OGFOD3: variants seen among roughly 807,000 people sequenced by gnomAD.
OGFOD3 encodes the protein 2-oxoglutarate and iron-dependent oxygenase domain-containing protein 3.
OGFOD3 carries 35 observed loss-of-function variants against 39.8 expected under a neutral mutation model. That is an observed-to-expected ratio of 0.88 (90% confidence interval 0.67 to 1.17). The LOEUF (loss-of-function observed/expected upper bound fraction) is 1.17, where lower values mean the gene tolerates loss of function less well. Ranked by LOEUF, OGFOD3 falls within the 50% of genes most tolerant of loss-of-function variation. The pLI is 0.00. For missense variants in OGFOD3, 438 were observed against 454.5 expected, an observed-to-expected ratio of 0.96 and a Z score of 0.33; for synonymous variants, 200 against 192.0, an observed-to-expected ratio of 1.04 and a Z score of -0.34.
rs115535088 is a variant in OGFOD3 at position 82,397,247 on chromosome 17, G to A, written c.823+949C>T. 3.7e-3 allele frequency among the ~76,000 whole-genome samples: 566 copies of A among 152,148 alleles called. 6 individuals carry two copies. The highest frequency in any genetic ancestry group is 0.013 in the African/African-American group (543 of 41,506). ...CACACAGTCCCTGGTCTGACTGAGC[G>A]GCCAGGCAGGAGGAACACCCGTGCT... On this transcript the variant is annotated intron_variant, in intron 8 of 8. Transcript: ENST00000313056.
intron 2 of OGFOD3, among the ~76,000 whole-genome samples, chr17:82,412,200 CT>C (rs2052959080): frequency 6.6e-6 from 1 of 152,206 alleles, no homozygotes; most frequent in African/African-American, 2.4e-5. Context: ...GCACATGCCC[CT>C]GTCTCTCCCC....
At position 82,390,656 on chromosome 17, in the gene OGFOD3, G is replaced by A. The variant is rs529155957; in HGVS notation, c.*1742C>T. 6.1e-5 allele frequency: 11 copies of A among 180,232 alleles called. No homozygotes were observed. Among genetic ancestry groups the A allele is most frequent in the South Asian group, 3.0e-4 (4 of 13,166 alleles). The allele number at this position is 180,232 out of a possible 1,614,324, so 11.2% of individuals were successfully genotyped here. A position where few individuals can be genotyped will look rare whatever the true frequency, so the allele number is the denominator to read the frequency against. On this transcript the variant is annotated 3_prime_UTR_variant, in exon 9 of 9. Transcript: ENST00000313056. This position sits in a 1 kb window ranked among gnomAD's most constrained non-coding sequence, Gnocchi z 4.9. ...GGGAGCCTATCCCACGCCGTCCTCC[G>A]CATGTGGCCCGTGGTGCAGGAGGGG...
At chr17:82,413,889 AAAAG>A (rs1271822968) in intron 2 of OGFOD3, among the ~76,000 whole-genome samples, 1 of 151,726 alleles carries the variant, frequency 6.6e-6, no homozygotes, top group Non-Finnish European at 1.5e-5. Context: ...AAAAAAAAAA[AAAAG>A]AAGAAAGAAA....
At chr17:82,418,195 G>C in intron 1 of OGFOD3, 1 of 410,498 alleles carries the variant, frequency 2.4e-6, no homozygotes, top group Non-Finnish European at 4.4e-6. Flanking sequence ...GGGATAGGTG[G>C]GCCTCTGCCG....
At position 82,412,075 on chromosome 17, in the gene OGFOD3, C is replaced by T. The variant is rs191376524; in HGVS notation, c.305-545G>A. Among the ~76,000 whole-genome samples, 492 of 71,872 alleles carry T rather than the reference C, an allele frequency of 6.8e-3. 11 individuals carry two copies. Among genetic ancestry groups the T allele is most frequent in the Admixed American group, 9.4e-3 (41 of 4,354 alleles). The allele number at this position is 71,872 out of a possible 152,430, so 47.2% of individuals were successfully genotyped here. On this transcript the variant is annotated intron_variant, in intron 2 of 8. Transcript: ENST00000313056. ...CTGGCGCAGAAAACCCTCCTGAGAC[C>T]GCCAGAGAGGAAAACCCTCCTGAGA...
In OGFOD3 at chr17:82,415,500, C is replaced by G. The variant is rs1567876222; in HGVS notation, c.202G>C (p.Asp68His). 1 of 1,613,720 alleles carries G rather than the reference C, an allele frequency of 6.2e-7. No individual in the cohort carries two copies. The highest frequency in any genetic ancestry group is 8.5e-7 in the Non-Finnish European group (1 of 1,179,952). Residue 68 changes from aspartate (D) to histidine (H), a missense_variant, in exon 2 of 9, where the codon GAC (aspartate) becomes CAC (histidine). By Grantham distance (81) the Asp-to-His change is moderately conservative. Transcript: ENST00000313056. This position sits in a 1 kb window ranked among gnomAD's most constrained non-coding sequence, Gnocchi z 5.3. ...LLLWSSLGAD[D>H]GVAEVLARRG... is the part of the protein sequence containing the mutation. Reference sequence around the variant, plus strand: ...CGGGCCAGGACCTCTGCGACCCCGTCGTCGGCCCCCAAGCTGCTCCAGAGC... The same window carrying G: ...CGGGCCAGGACCTCTGCGACCCCGTGGTCGGCCCCCAAGCTGCTCCAGAGC...
intron 8 of OGFOD3, chr17:82,393,584 C>T (rs2052625813): frequency 6.6e-6 from 1 of 152,278 alleles, no homozygotes; most frequent in Non-Finnish European, 1.5e-5. Context: ...CAGGACACGT[C>T]CTTTTCCAGG....
intron 7 of OGFOD3, among the ~76,000 whole-genome samples, chr17:82,402,927 C>T (rs971384116): frequency 2.0e-5 from 3 of 152,024 alleles, no homozygotes; most frequent in Non-Finnish European, 4.4e-5. Context: ...GGGGCACGCA[C>T]CTGTGGTCCC....
chr17:82,415,375 A>T lies in OGFOD3; in HGVS notation c.304+23T>A. 1 of 1,600,530 alleles carries T rather than the reference A, an allele frequency of 6.2e-7. No individual in the cohort carries two copies. The highest frequency in any genetic ancestry group is 8.6e-7 in the Non-Finnish European group (1 of 1,168,956). On this transcript the variant is annotated intron_variant, in intron 2 of 8. Transcript: ENST00000313056. The surrounding 1 kb of genome is among the most constrained non-coding windows in gnomAD (Gnocchi z 5.3). ...CTTTAACCACACTGAGTCTCATTTTAAAGTGTTGCTTTCCTGAACTACCTT... is the reference window on the plus strand; with the variant it reads ...CTTTAACCACACTGAGTCTCATTTTTAAGTGTTGCTTTCCTGAACTACCTT...
chr17:82,404,195 G>C lies in OGFOD3; in HGVS notation c.546-105C>G, dbSNP rs1261651173. 1 of 1,302,362 alleles carries C rather than the reference G, an allele frequency of 7.7e-7. No homozygotes were observed. Among genetic ancestry groups the C allele is most frequent in the Non-Finnish European group, 1.0e-6 (1 of 976,230 alleles). The allele number at this position is 1,302,362 out of a possible 1,614,324, so 80.7% of individuals were successfully genotyped here. ...AAGGAACCAGCCTTCGTACGGCTCCGGGCCCGCGGGGCGGGGGCTCCCAAG... is the reference window on the plus strand; with the variant it reads ...AAGGAACCAGCCTTCGTACGGCTCCCGGCCCGCGGGGCGGGGGCTCCCAAG... On this transcript the variant is annotated intron_variant, in intron 6 of 8. Transcript: ENST00000313056. The surrounding 1 kb of genome is among the most constrained non-coding windows in gnomAD (Gnocchi z 4.5).
At chr17:82,418,363 T>C in intron 1 of OGFOD3, 49 bp downstream of exon 1, 2 of 1,094,226 alleles carry the variant, frequency 1.8e-6, no homozygotes, top group South Asian at 1.4e-5. Context: ...GCCCACTCCA[T>C]GGCCCTGTCC....
Position 82,418,518 on chromosome 17 carries a change from CG to C in OGFOD3, c.-34del, listed in dbSNP as rs1046866915. ...GGCCGCCGCGGAGCCGGGCCGGACG[CG>C]GGCGCCAGGCCCGGGGACGAACGCC... On this transcript the variant is annotated 5_prime_UTR_variant, in exon 1 of 9. Transcript: ENST00000313056. The C allele has an allele frequency of 2.1e-5, 27 of 1,285,282 alleles. No homozygotes were observed. In the African/African-American group the frequency reaches 3.8e-4, roughly 18 times the overall value. The allele number at this position is 1,285,282 out of a possible 1,614,324, so 79.6% of individuals were successfully genotyped here. A position where few individuals can be genotyped will look rare whatever the true frequency, so the allele number is the denominator to read the frequency against.
At chr17:82,407,182 T>C (rs1177664440) in intron 4 of OGFOD3, among the ~76,000 whole-genome samples, 1 of 151,860 alleles carries the variant, frequency 6.6e-6, no homozygotes, top group Non-Finnish European at 1.5e-5. Context: ...GGAGAATCAC[T>C]TGAATCAGGG....
intron 4 of OGFOD3, among the ~76,000 whole-genome samples, chr17:82,408,772 T>C (rs74001676): frequency 0.029 from 4,474 of 152,302 alleles, 192 homozygotes; most frequent in African/African-American, 0.1. Flanking sequence ...TCTGGGATGA[T>C]GTCATCTTGA....
chr17:82,399,880 C>G (rs1468573773), intron 7 of OGFOD3, among the ~76,000 whole-genome samples: 2 of 152,206 alleles, frequency 1.3e-5, no homozygotes, highest in Non-Finnish European at 2.9e-5. Flanking sequence ...ATAAGCACAC[C>G]CAGACCAGGG....
At chr17:82,398,848 C>A (rs1599689123) in intron 7 of OGFOD3, among the ~76,000 whole-genome samples, 1 of 151,262 alleles carries the variant, frequency 6.6e-6, no homozygotes, top group East Asian at 1.9e-4. Context: ...GCCAGGACCA[C>A]AGGCGCACGA....
intron 2 of OGFOD3, 44 bp from the exon 3 acceptor site, chr17:82,411,574 C>T (rs1334794815): frequency 5.9e-6 from 9 of 1,524,790 alleles, no homozygotes; most frequent in Admixed American, 3.4e-5. Context: ...CCAAGGCCAC[C>T]GGCGCATGCC....
Position 82,415,623 on chromosome 17 carries a change from T to A in OGFOD3, c.79A>T (p.Lys27Ter), listed in dbSNP as rs951236109. The change falls in exon 2 of 9, where the codon AAG becomes TAG. Residue 27 changes from lysine to a stop codon, truncating the protein, a stop_gained. Coordinates refer to ENST00000313056, the MANE Select transcript of OGFOD3 (RefSeq NM_024648.3). LOFTEE classifies it high-confidence loss of function. This position sits in a 1 kb window ranked among gnomAD's most constrained non-coding sequence, Gnocchi z 5.3. ...AAERRNRSST[K>*]KDRAPREVQR... ...ACCTCCCGCGGGGCTCGGTCCTTCT[T>A]GGTGCTGAGAACAGAAAACAGGCCA... 2 of 1,610,284 alleles carry A rather than the reference T, an allele frequency of 1.2e-6. No homozygotes were observed. Among genetic ancestry groups the A allele is most frequent in the Middle Eastern group, 3.3e-4 (2 of 6,030 alleles).
intron 2 of OGFOD3, among the ~76,000 whole-genome samples, chr17:82,412,846 C>T (rs2052973358): frequency 1.3e-5 from 2 of 152,198 alleles, no homozygotes; most frequent in Non-Finnish European, 2.9e-5. Flanking sequence ...GCTTTTCCTC[C>T]CTCTCCCTAC....
Sources: allele counts gnomAD v4.1 joint callset (sites outside exome capture counted in the v4.1 genomes callset), GRCh38; gene constraint gnomAD v4.1.1; non-coding constraint Gnocchi (gnomAD v3.1); transcripts MANE v1.5; gene names NCBI Gene and HGNC (gene_info 2026-07-23, HGNC 2026-07-21).